The following CCDC171 variants were observed in gnomAD, a reference collection of about 807,000 sequenced individuals.
CCDC171 encodes coiled-coil domain containing 171.
CCDC171 carries 177 observed loss-of-function variants against 168.2 expected under a neutral mutation model. The ratio of observed to expected loss-of-function variants is 1.05; its 90% confidence interval spans 0.93 to 1.19. The LOEUF (loss-of-function observed/expected upper bound fraction) is 1.19. Among genes scored for constraint, CCDC171 ranks in the 50% most tolerant of loss-of-function variants. CCDC171 has a pLI of 0.00. For synonymous variants in CCDC171, 687 were observed against 540.8 expected, an observed-to-expected ratio of 1.27 and a Z score of -3.75; for missense variants, 1,991 against 1,539.0, an observed-to-expected ratio of 1.29 and a Z score of -4.91.
At chr9:15,962,615 AT>A (rs1589259793) in intron 25 of CCDC171, among the ~76,000 whole-genome samples, 1 of 151,814 alleles carries the variant, frequency 6.6e-6, no homozygotes, top group Non-Finnish European at 1.5e-5. Flanking sequence ...GGGGGTTACC[AT>A]TTTTTTCCCA....
intron 24 of CCDC171, chr9:15,875,849 A>G (rs1817767847): frequency 6.6e-6 from 1 of 152,054 alleles, no homozygotes; most frequent in South Asian, 2.1e-4. Flanking sequence ...TAAGCATAAA[A>G]TATTTTTCTT....
intron 24 of CCDC171, among the ~76,000 whole-genome samples, chr9:15,903,529 C>T (rs201660017): frequency 2.6e-5 from 4 of 152,082 alleles, no homozygotes; most frequent in Non-Finnish European, 5.9e-5. Context: ...CCCATCTGTA[C>T]GTCACCATCA....
At chr9:15,965,175 A>G (rs2132700534) in intron 25 of CCDC171, among the ~76,000 whole-genome samples, 1 of 152,326 alleles carries the variant, frequency 6.6e-6, no homozygotes, top group Non-Finnish European at 1.5e-5. Flanking sequence ...TGTAAGTTCC[A>G]TGAGATCTAT....
At chr9:15,920,981 C>G (rs958746924) in intron 25 of CCDC171, among the ~76,000 whole-genome samples, 1 of 151,208 alleles carries the variant, frequency 6.6e-6, no homozygotes, top group Non-Finnish European at 1.5e-5. Flanking sequence ...AAAAATTTCT[C>G]TACTTGAAAT....
At chr9:16,044,532 A>C (rs1478146052) in intron 1 of CCDC171, among the ~76,000 whole-genome samples, 1 of 145,542 alleles carries the variant, frequency 6.9e-6, no homozygotes, top group African/African-American at 2.5e-5. Context: ...CTATTTAATA[A>C]TTTTTTTTTT....
intron 16 of CCDC171, among the ~76,000 whole-genome samples, chr9:15,734,693 G>A (rs1441293896): frequency 1.3e-5 from 2 of 151,996 alleles, no homozygotes; most frequent in Non-Finnish European, 2.9e-5. Flanking sequence ...CATATTATAG[G>A]ACCTGTAAAT....
chr9:15,679,741 G>C (rs1209875158), intron 10 of CCDC171, among the ~76,000 whole-genome samples: 1 of 152,096 alleles, frequency 6.6e-6, no homozygotes, highest in African/African-American at 2.4e-5. Flanking sequence ...CAGAGATGAG[G>C]TCTCGCTATG....
At position 15,564,107 on chromosome 9, in the gene CCDC171, A is replaced by T. The variant is rs368515656; in HGVS notation, c.19A>T (p.Ser7Cys). The T allele has an allele frequency of 3.1e-6, 5 of 1,608,048 alleles. No individual in the cohort carries two copies. The highest frequency in any genetic ancestry group is 4.2e-6 in the Non-Finnish European group (5 of 1,177,132). MNLNTS[S>C]NTGDTQRLKI... ...AAACATCATGAATTTGAATACTTCA[A>T]GTAATACTGGTGATACCCAAAGGTA... The change falls in exon 2 of 26, where the codon AGT becomes TGT. Residue 7 changes from serine to cysteine, a missense_variant. By Grantham distance (112) the Ser-to-Cys change is moderately radical (BLOSUM62 -1). Coordinates refer to ENST00000380701, the MANE Select transcript of CCDC171 (RefSeq NM_173550.4).
At chr9:15,684,906 A>G (rs1040337291) in intron 10 of CCDC171, among the ~76,000 whole-genome samples, 2 of 152,200 alleles carry the variant, frequency 1.3e-5, no homozygotes, top group Non-Finnish European at 2.9e-5. Context: ...TTGTAGATTC[A>G]TCACAGCATT....
chr9:16,021,971 C>G (rs899043060), intron 4 of CCDC171, among the ~76,000 whole-genome samples: 2 of 152,130 alleles, frequency 1.3e-5, no homozygotes, highest in Non-Finnish European at 2.9e-5. Flanking sequence ...GTTACTGCAG[C>G]CTAAGCAGCC....
chr9:15,634,597 G>C (rs1193445444), intron 7 of CCDC171, among the ~76,000 whole-genome samples: 1 of 152,132 alleles, frequency 6.6e-6, no homozygotes, highest in African/African-American at 2.4e-5. Context: ...GGTAAGGGTG[G>C]ATGCCTTGAA....
At chr9:15,558,885 C>T (rs2039035324) in intron 1 of CCDC171, among the ~76,000 whole-genome samples, 1 of 152,098 alleles carries the variant, frequency 6.6e-6, no homozygotes, top group Admixed American at 6.6e-5. Flanking sequence ...TATAAATTTC[C>T]CTCTACACAC....
At chr9:15,586,557 T>G (rs138461606) in intron 4 of CCDC171, among the ~76,000 whole-genome samples, 3 of 152,300 alleles carry the variant, frequency 2.0e-5, no homozygotes, top group East Asian at 1.9e-4. Flanking sequence ...ATTGGAATTA[T>G]GTATGGGAGT....
At chr9:15,892,836 A>G (rs1442733861) in intron 24 of CCDC171, among the ~76,000 whole-genome samples, 1 of 152,218 alleles carries the variant, frequency 6.6e-6, no homozygotes, top group East Asian at 1.9e-4. Flanking sequence ...AGAAGAATCA[A>G]TATTGTGAAA....
At chr9:15,602,456 G>T (rs1179027817) in intron 6 of CCDC171, among the ~76,000 whole-genome samples, 1 of 151,374 alleles carries the variant, frequency 6.6e-6, no homozygotes, top group East Asian at 1.9e-4. Context: ...TCTCATCTGG[G>T]CTTTAGAATT....
chr9:15,779,179 G>T (rs1187942682), intron 20 of CCDC171, 29 bp downstream of exon 20: 1 of 1,305,820 alleles, frequency 7.7e-7, no homozygotes. Flanking sequence ...GGAAACTGTT[G>T]CTTTGCTGAT....
intron 10 of CCDC171, among the ~76,000 whole-genome samples, chr9:15,693,169 G>A (rs551916210): frequency 2.7e-5 from 4 of 150,382 alleles, no homozygotes; most frequent in Non-Finnish European, 5.9e-5. Context: ...CAAAAAAACA[G>A]ATGCTGTGTA....
intron 25 of CCDC171, 32 bp from the exon 26 acceptor site, chr9:15,971,577 T>A (rs371774410): frequency 6.7e-6 from 10 of 1,486,830 alleles, no homozygotes; most frequent in South Asian, 2.3e-5. Flanking sequence ...TTCAACTCTA[T>A]GTTTATTATT....
chr9:15,798,636 C>T (rs13295778), intron 21 of CCDC171, among the ~76,000 whole-genome samples: 71,026 of 151,882 alleles, frequency 0.47, 16,773 homozygotes, highest in South Asian at 0.54. Flanking sequence ...TCAAGTGTAG[C>T]CCACTGTCCA....
Sources: allele counts gnomAD v4.1 joint callset (sites outside exome capture counted in the v4.1 genomes callset), GRCh38; gene constraint gnomAD v4.1.1; transcripts MANE v1.5; gene names NCBI Gene and HGNC (gene_info 2026-07-23, HGNC 2026-07-21).